Variants in CSE1L observed in about 807,000 individuals in gnomAD.
CSE1L encodes exportin-2.
A neutral mutation model predicts 120.4 loss-of-function variants in CSE1L; 24 were observed. The ratio of observed to expected loss-of-function variants is 0.20; its 90% CI spans 0.14 to 0.28. The LOEUF is 0.28. CSE1L is among the 10% of genes least tolerant of loss of function. The probability of loss-of-function intolerance (pLI) is 1.00; values close to 1 mark genes in which losing one functional copy is unlikely to be tolerated. For missense variants in CSE1L, 830 were observed against 1,145.2 expected, an observed-to-expected ratio of 0.72 and a Z score of 3.97; for synonymous variants, 402 against 398.3, an observed-to-expected ratio of 1.01 and a Z score of -0.11.
intron 1 of CSE1L, among the ~76,000 whole-genome samples, chr20:49,054,253 T>C (rs1435379568): frequency 6.6e-6 from 1 of 152,234 alleles, no homozygotes; most frequent in Admixed American, 6.5e-5. Context: ...GGGGAAGGAC[T>C]GCAGCATGTA....
intron 17 of CSE1L, among the ~76,000 whole-genome samples, chr20:49,088,969 T>C (rs1028079164): frequency 2.0e-5 from 3 of 152,158 alleles, no homozygotes; most frequent in Admixed American, 6.6e-5. Flanking sequence ...TTACTAGGAC[T>C]TAGTATTTCT....
intron 8 of CSE1L, among the ~76,000 whole-genome samples, chr20:49,071,614 A>G (rs147369271): frequency 2.0e-5 from 3 of 152,116 alleles, no homozygotes; most frequent in Non-Finnish European, 4.4e-5. Flanking sequence ...CCTCCCAAGT[A>G]GCAGGGACTA....
chr20:49,095,251 TATA>T, intron 24 of CSE1L: 1 of 400,054 alleles, frequency 2.5e-6, no homozygotes. Context: ...GTCAGCACTT[TATA>T]ATAAGAGTTT....
intron 13 of CSE1L, 89 bp downstream of exon 13, chr20:49,077,153 C>CAT: frequency 2.5e-6 from 1 of 401,512 alleles, no homozygotes; most frequent in Non-Finnish European, 4.2e-6. Flanking sequence ...CCCTTTTGTT[C>CAT]TTTTTTTTTT....
intron 1 of CSE1L, among the ~76,000 whole-genome samples, chr20:49,057,229 G>A (rs2091815802): frequency 1.3e-5 from 2 of 152,110 alleles, no homozygotes; most frequent in Admixed American, 6.6e-5. Context: ...AGCATATTAT[G>A]TGATTTAGTT....
rs1169151375 is a variant in CSE1L, at chr20:49,065,586, A to ATTTTTTTTTTTT, written c.229-591_229-580dup. On this transcript the variant is annotated intron_variant, in intron 3 of 24. Transcript: ENST00000262982. ...CCATCGCACCTGGCCTAAAATGGAA[A>ATTTTTTTTTTTT]TTTTTTTTTTTTTTTTTTTTTTTTT... Among the ~76,000 whole-genome samples, 171 of 76,348 alleles carry ATTTTTTTTTTTT rather than the reference A, an allele frequency of 2.2e-3. 19 individuals carry two copies. Among genetic ancestry groups the ATTTTTTTTTTTT allele is most frequent in the East Asian group, 3.5e-3 (9 of 2,584 alleles). The allele number at this position is 76,348 out of a possible 152,430, so 50.1% of individuals were successfully genotyped here.
chr20:49,082,283 C>G (rs2092018874), intron 14 of CSE1L, among the ~76,000 whole-genome samples: 1 of 150,314 alleles, frequency 6.7e-6, no homozygotes, highest in Non-Finnish European at 1.5e-5. Context: ...TCCCAAGTAG[C>G]TGGGACTGCA....
chr20:49,066,504 T>C lies in CSE1L; in HGVS notation c.470T>C (p.Phe157Ser). ...GTCCTCCGTACAGCACATTCATTATTTAAAAGGTATTGATGCATAGATTCA... is the reference window on the plus strand; with the variant it reads ...GTCCTCCGTACAGCACATTCATTATCTAAAAGGTATTGATGCATAGATTCA... ...NGVLRTAHSL[F>S]KRYRHEFKSN... Residue 157 changes from phenylalanine (F) to serine (S), a missense_variant, in exon 5 of 25, where the codon TTT becomes TCT. By Grantham distance (155) the Phe-to-Ser change is radical. Coordinates refer to ENST00000262982, the MANE Select transcript of CSE1L (RefSeq NM_001316.4). 6.2e-7 allele frequency: 1 copy of C among 1,610,002 alleles called. No homozygotes were observed.
chr20:49,052,273 A>G lies in CSE1L; in HGVS notation c.-12+5850A>G, dbSNP rs7273236. Among the ~76,000 whole-genome samples the G allele has an allele frequency of 1.9e-3, 287 of 152,382 alleles. 3 individuals carry two copies. Among genetic ancestry groups the G allele is most frequent in the African/African-American group, 6.0e-3 (250 of 41,592 alleles). Reference sequence around the variant, plus strand: ...CCAGGTAATGCTGAAGGTCCTGAGCATACAGACGAAAGTCCCTGCCCTCAG... The same window carrying G: ...CCAGGTAATGCTGAAGGTCCTGAGCGTACAGACGAAAGTCCCTGCCCTCAG... On this transcript the variant is annotated intron_variant, in intron 1 of 24. Transcript: ENST00000262982.
intron 1 of CSE1L, among the ~76,000 whole-genome samples, chr20:49,046,800 C>G (rs1009737036): frequency 6.6e-6 from 1 of 152,232 alleles, no homozygotes; most frequent in Non-Finnish European, 1.5e-5. Context: ...TGGTCGCGCT[C>G]GCATGTCCAT....
chr20:49,065,801 C>T (rs2063968), intron 3 of CSE1L, among the ~76,000 whole-genome samples: 4 of 151,996 alleles, frequency 2.6e-5, no homozygotes, highest in Non-Finnish European at 5.9e-5. Flanking sequence ...ACCATGTTGG[C>T]CAGGCTGGTC....
intron 3 of CSE1L, among the ~76,000 whole-genome samples, chr20:49,065,304 GA>G (rs73623295): frequency 0.023 from 1,711 of 73,080 alleles, 130 homozygotes; most frequent in East Asian, 0.065. Flanking sequence ...CATATGAAAT[GA>G]AAAAAAAATT....
Position 49,085,343 on chromosome 20 carries a change from T to C in CSE1L, c.1680T>C (p.Ala560=), listed in dbSNP as rs770771976. The C allele has an allele frequency of 3.7e-6, 6 of 1,613,960 alleles. No homozygotes were observed. The highest frequency in any genetic ancestry group is 5.1e-6 in the Non-Finnish European group (6 of 1,179,958). ...VEILLTNLFK[A]LTLPGSSENE... ...TTCTGCTAACAAACCTTTTCAAAGC[T>C]CTCACACTTCCTGGCTCTTCAGAAA... is the stretch of plus-strand genomic sequence containing the variant. The change falls in exon 16 of 25, where the codon GCT becomes GCC. Residue 560 remains alanine, a synonymous_variant. Coordinates refer to ENST00000262982, the MANE Select transcript of CSE1L (RefSeq NM_001316.4).
chr20:49,072,170 A>G lies in CSE1L; in HGVS notation c.769-116A>G, dbSNP rs546276693. On this transcript the variant is annotated intron_variant, in intron 8 of 24. Transcript: ENST00000262982. ...GGTGGCATAGCTGTAGTTTACAATA[A>G]CTGATTTGATTTGGATTTAATTGAT... 2.7e-6 allele frequency: 3 copies of G among 1,110,346 alleles called. No homozygotes were observed. In the African/African-American group the frequency reaches 4.7e-5, roughly 17 times the overall value. The allele number at this position is 1,110,346 out of a possible 1,614,324, so 68.8% of individuals were successfully genotyped here.
chr20:49,083,110 C>T (rs1021227902), intron 14 of CSE1L, among the ~76,000 whole-genome samples: 2 of 151,890 alleles, frequency 1.3e-5, no homozygotes, highest in Non-Finnish European at 2.9e-5. Flanking sequence ...CTGCAACCTC[C>T]GCCTCCTGGG....
chr20:49,054,495 A>G (rs1180846797), intron 1 of CSE1L, among the ~76,000 whole-genome samples: 2 of 152,226 alleles, frequency 1.3e-5, no homozygotes, highest in Non-Finnish European at 2.9e-5. Context: ...GAAAGAGGGT[A>G]GACCTACGGA....
chr20:49,062,329 G>A (rs1260686352), intron 2 of CSE1L, among the ~76,000 whole-genome samples: 1 of 152,142 alleles, frequency 6.6e-6, no homozygotes, highest in Non-Finnish European at 1.5e-5. Flanking sequence ...GAGGGAAGGT[G>A]TTAAATGATA....
chr20:49,064,414 A>G (rs985085178), intron 3 of CSE1L, among the ~76,000 whole-genome samples: 2 of 152,252 alleles, frequency 1.3e-5, no homozygotes, highest in Non-Finnish European at 2.9e-5. Context: ...CATGAGTGGT[A>G]AAGAAATCTT....
intron 1 of CSE1L, among the ~76,000 whole-genome samples, chr20:49,047,569 T>TC (rs1568757295): frequency 6.3e-5 from 3 of 47,770 alleles, no homozygotes; most frequent in East Asian, 8.5e-4. Context: ...CTTTTCTTTT[T>TC]TTTTTTTTTT....
Sources: gnomAD v4.1 joint callset for allele counts (sites outside exome capture counted in the v4.1 genomes callset) on GRCh38, gnomAD v4.1.1 for gene constraint, MANE v1.5 for transcripts, NCBI Gene and HGNC (gene_info 2026-07-23, HGNC 2026-07-21) for gene names.